The following ASIC2 variants were observed in gnomAD, a reference collection of about 807,000 sequenced individuals.
The protein encoded by ASIC2 is acid-sensing ion channel 2.
In ASIC2, 25 loss-of-function variants were observed where a neutral mutation model predicts 57.3. The ratio of observed to expected loss-of-function variants is 0.44; its 90% confidence interval spans 0.32 to 0.61. The LOEUF (loss-of-function observed/expected upper bound fraction) is 0.61, where lower values mean the gene tolerates loss of function less well. ASIC2 is among the 20% of genes least tolerant of loss of function. The probability of loss-of-function intolerance (pLI) is 0.06; values close to 1 mark genes in which losing one functional copy is unlikely to be tolerated. For synonymous variants in ASIC2, 319 were observed against 307.5 expected, an observed-to-expected ratio of 1.04 and a Z score of -0.39; for missense variants, 641 against 738.1, an observed-to-expected ratio of 0.87 and a Z score of 1.52.
At chr17:33,907,566 T>C (rs1915375539) in intron 1 of ASIC2, among the ~76,000 whole-genome samples, 1 of 152,190 alleles carries the variant, frequency 6.6e-6, no homozygotes, top group African/African-American at 2.4e-5. Context: ...CCCTCCTCTC[T>C]ACCATGAGCC....
intron 3 of ASIC2, among the ~76,000 whole-genome samples, chr17:33,058,422 A>G (rs1244226856): frequency 6.7e-6 from 1 of 149,598 alleles, no homozygotes. Context: ...TTACTTCATT[A>G]ATCTACATGC....
At position 34,030,761 on chromosome 17, in the gene ASIC2, G is replaced by A. The variant is rs145594192; in HGVS notation, c.555+125217C>T. On this transcript the variant is annotated intron_variant, in intron 1 of 9. Coordinates refer to the ASIC2 transcript ENST00000359872. ...GCCCACGGAGTCTTGCTCATTGCTA[G>A]CACAGCAGTCCGAGATCAAACTGCA... Among the ~76,000 whole-genome samples the A allele has an allele frequency of 2.4e-3, 359 of 152,320 alleles. 3 individuals are homozygous for A. Among genetic ancestry groups the A allele is most frequent in the Non-Finnish European group, 2.3e-3 (159 of 68,026 alleles).
intron 1 of ASIC2, among the ~76,000 whole-genome samples, chr17:33,489,063 G>T (rs1242073708): frequency 6.6e-6 from 1 of 152,116 alleles, no homozygotes; most frequent in Non-Finnish European, 1.5e-5. Flanking sequence ...TAAGAGAAGA[G>T]ACCACATACC....
At position 33,055,945 on chromosome 17, in the gene ASIC2, G is replaced by A. The variant is rs538339616; in HGVS notation, c.988-27553C>T. On this transcript the variant is annotated intron_variant, in intron 3 of 9. Transcript: ENST00000225823. ...GGGAATACTTTTATAAATCACAGAA[G>A]CCCTGGACTCAGCCCTAAGATTAGA... 2.0e-5 allele frequency among the ~76,000 whole-genome samples: 3 copies of A among 152,342 alleles called. No individual in the cohort carries two copies. The South Asian group carries it at 6.2e-4, about 32-fold the overall frequency.
intron 2 of ASIC2, 73 bp from the exon 3 acceptor site, chr17:33,089,063 C>A: frequency 6.3e-7 from 1 of 1,583,788 alleles, no homozygotes; most frequent in South Asian, 1.1e-5. Context: ...GATTGAAAAG[C>A]TCAAAGGGAT....
chr17:33,243,943 C>T (rs1324934831), intron 1 of ASIC2, among the ~76,000 whole-genome samples: 1 of 152,194 alleles, frequency 6.6e-6, no homozygotes, highest in Non-Finnish European at 1.5e-5. Flanking sequence ...GGGCAAGTCA[C>T]TTGACCTCTC....
chr17:33,265,698 G>T (rs141230838), intron 1 of ASIC2, among the ~76,000 whole-genome samples: 12 of 152,164 alleles, frequency 7.9e-5, no homozygotes, highest in Non-Finnish European at 1.2e-4. Flanking sequence ...AAGATTCAGT[G>T]TGGGGGCCAG....
intron 3 of ASIC2, among the ~76,000 whole-genome samples, chr17:33,057,249 C>G (rs1277679842): frequency 6.6e-6 from 1 of 152,186 alleles, no homozygotes. Context: ...CCGGCTGCCT[C>G]TAACACACAC....
intron 3 of ASIC2, among the ~76,000 whole-genome samples, chr17:33,053,205 G>T (rs565466613): frequency 6.6e-6 from 1 of 152,258 alleles, no homozygotes; most frequent in South Asian, 2.1e-4. Flanking sequence ...TTATTTAACA[G>T]AACTCAAATT....
chr17:33,085,903 A>G (rs1024419607), intron 3 of ASIC2, among the ~76,000 whole-genome samples: 4 of 152,228 alleles, frequency 2.6e-5, no homozygotes, highest in African/African-American at 9.7e-5. Flanking sequence ...TGCTTTGAAG[A>G]CTGTAAAATG....
intron 1 of ASIC2, among the ~76,000 whole-genome samples, chr17:33,733,513 G>A (rs1326377561): frequency 6.6e-6 from 1 of 152,196 alleles, no homozygotes; most frequent in Non-Finnish European, 1.5e-5. Flanking sequence ...AGAAGATGGA[G>A]ACCTCAATCA....
intron 2 of ASIC2, among the ~76,000 whole-genome samples, chr17:33,093,537 C>T (rs1200949463): frequency 1.3e-5 from 2 of 152,146 alleles, no homozygotes; most frequent in East Asian, 1.9e-4. Context: ...CAAGCTGAAA[C>T]GCAGACAGCG....
chr17:33,617,709 T>C (rs1221875155), intron 1 of ASIC2, among the ~76,000 whole-genome samples: 3 of 152,206 alleles, frequency 2.0e-5, no homozygotes, highest in Non-Finnish European at 4.4e-5. Context: ...AAATAAATGG[T>C]ACTTGCATAA....
intron 1 of ASIC2, among the ~76,000 whole-genome samples, chr17:34,051,088 G>C (rs1567801572): frequency 6.6e-6 from 1 of 152,114 alleles, no homozygotes; most frequent in Non-Finnish European, 1.5e-5. Flanking sequence ...GCAACTCTTG[G>C]GTGTAGGTTG....
chr17:33,234,773 A>C (rs1908230582), intron 1 of ASIC2, among the ~76,000 whole-genome samples: 1 of 152,192 alleles, frequency 6.6e-6, no homozygotes, highest in African/African-American at 2.4e-5. Context: ...TAAAGGTAAT[A>C]ATCCTAGTTG....
At chr17:33,432,021 A>AGAAGT (rs1911437937) in intron 1 of ASIC2, among the ~76,000 whole-genome samples, 1 of 152,236 alleles carries the variant, frequency 6.6e-6, no homozygotes, top group Non-Finnish European at 1.5e-5. Context: ...AACAAAAGAA[A>AGAAGT]GAAGTCACTT....
At chr17:34,025,736 C>T (rs557484658) in intron 1 of ASIC2, among the ~76,000 whole-genome samples, 14 of 152,152 alleles carry the variant, frequency 9.2e-5, no homozygotes, top group Non-Finnish European at 1.9e-4. Context: ...CTTGAGCCAA[C>T]CACTTAAACT....
chr17:33,443,474 C>T (rs1186436556), intron 1 of ASIC2, among the ~76,000 whole-genome samples: 1 of 123,196 alleles, frequency 8.1e-6, no homozygotes, highest in Non-Finnish European at 1.6e-5. Flanking sequence ...AGTGCAGTGG[C>T]GGGATCTCGG....
At chr17:33,659,697 C>T (rs1047101003) in intron 1 of ASIC2, among the ~76,000 whole-genome samples, 1 of 151,904 alleles carries the variant, frequency 6.6e-6, no homozygotes, top group African/African-American at 2.4e-5. Context: ...GGTGAAACCC[C>T]ATCTCTACTA....
Sources: allele counts gnomAD v4.1 joint callset (sites outside exome capture counted in the v4.1 genomes callset), GRCh38; gene constraint gnomAD v4.1.1; transcripts MANE v1.5; gene names NCBI Gene and HGNC (gene_info 2026-07-23, HGNC 2026-07-21).